The following TXNRD1 variants were observed in gnomAD, a reference collection of about 807,000 sequenced individuals.
The protein encoded by TXNRD1 is thioredoxin reductase 1.
Under a neutral mutation model 80.3 loss-of-function variants are expected in TXNRD1, and 57 were observed. The observed-to-expected ratio is 0.71, with a 90% CI of 0.57 to 0.89. TXNRD1 has a LOEUF of 0.89. TXNRD1 is among the 40% of genes least tolerant of loss of function. The pLI is 0.00. For missense variants in TXNRD1, 730 were observed against 803.0 expected, an observed-to-expected ratio of 0.91 and a Z score of 1.10; for synonymous variants, 291 against 285.2, an observed-to-expected ratio of 1.02 and a Z score of -0.20.
intron 3 of TXNRD1, among the ~76,000 whole-genome samples, chr12:104,261,220 A>G (rs2033362206): frequency 6.7e-6 from 1 of 150,232 alleles, no homozygotes; most frequent in South Asian, 2.1e-4. Context: ...TTGGAGTGCG[A>G]TGGCACGATC....
intron 16 of TXNRD1, among the ~76,000 whole-genome samples, chr12:104,341,322 A>T (rs1291587539): frequency 6.6e-6 from 1 of 152,124 alleles, no homozygotes; most frequent in Non-Finnish European, 1.5e-5. Context: ...TTAAGAAGAT[A>T]AAAAAAATTG....
At chr12:104,218,782 A>C (rs1261249077) in intron 1 of TXNRD1, among the ~76,000 whole-genome samples, 2 of 151,270 alleles carry the variant, frequency 1.3e-5, no homozygotes, top group Non-Finnish European at 2.9e-5. Context: ...TAATTTTTTT[A>C]CATTTTGTAG....
intron 13 of TXNRD1, 46 bp downstream of exon 13, chr12:104,327,717 C>G (rs368459685): frequency 5.1e-6 from 8 of 1,568,750 alleles, no homozygotes; most frequent in Non-Finnish European, 6.1e-6. Context: ...GTCAGTAATA[C>G]TCCCAGTTCC....
intron 3 of TXNRD1, among the ~76,000 whole-genome samples, chr12:104,267,710 TTTC>T (rs2033556430): frequency 4.5e-5 from 2 of 44,570 alleles, no homozygotes; most frequent in African/African-American, 1.4e-4. Context: ...TCTCTCTTTC[TTTC>T]TTTCTTTCTC....
chr12:104,301,376 C>T (rs1369668586), intron 4 of TXNRD1, among the ~76,000 whole-genome samples: 2 of 151,748 alleles, frequency 1.3e-5, no homozygotes, highest in African/African-American at 2.4e-5. Flanking sequence ...CTCGCTCTGT[C>T]GCCCAGGCTG....
At chr12:104,306,603 T>C (rs59922632) in intron 4 of TXNRD1, among the ~76,000 whole-genome samples, 1,830 of 152,306 alleles carry the variant, frequency 0.012, 43 homozygotes, top group African/African-American at 0.042. Context: ...GGATTTTTCA[T>C]GTATGGAGAT....
At chr12:104,283,145 A>G (rs2033911344) in intron 3 of TXNRD1, among the ~76,000 whole-genome samples, 1 of 152,224 alleles carries the variant, frequency 6.6e-6, no homozygotes. Flanking sequence ...AAAAGATGAG[A>G]ATCCATACAC....
chr12:104,287,119 G>A, intron 3 of TXNRD1: 2 of 1,487,922 alleles, frequency 1.3e-6, no homozygotes. Flanking sequence ...TGTAAGCTCT[G>A]CGTCGGGTGA....
chr12:104,293,902 C>T (rs966241109), intron 4 of TXNRD1, among the ~76,000 whole-genome samples: 20 of 152,288 alleles, frequency 1.3e-4, no homozygotes, highest in African/African-American at 4.6e-4. Flanking sequence ...TAGGTAAGGT[C>T]ACGTGGGTCA....
At chr12:104,347,840 CA>C (rs2036542330) in intron 16 of TXNRD1, among the ~76,000 whole-genome samples, 1 of 151,832 alleles carries the variant, frequency 6.6e-6, no homozygotes, top group African/African-American at 2.4e-5. Context: ...ATATGGGATA[CA>C]AAAAAGCAGG....
At chr12:104,307,836 A>G (rs1405411646) in intron 4 of TXNRD1, among the ~76,000 whole-genome samples, 1 of 152,182 alleles carries the variant, frequency 6.6e-6, no homozygotes, top group African/African-American at 2.4e-5. Context: ...GGTGGATGAA[A>G]AGGAAGGCTA....
intron 1 of TXNRD1, among the ~76,000 whole-genome samples, chr12:104,225,135 G>A (rs2032443936): frequency 6.6e-6 from 1 of 152,172 alleles, no homozygotes; most frequent in Non-Finnish European, 1.5e-5. Flanking sequence ...ATGCCCATAT[G>A]GAGTTGTTTT....
chr12:104,236,750 T>G (rs1327871687), intron 1 of TXNRD1, among the ~76,000 whole-genome samples: 2 of 139,760 alleles, frequency 1.4e-5, no homozygotes, highest in Non-Finnish European at 3.0e-5. Flanking sequence ...ATTGCACCAC[T>G]GCATGCCAGC....
At chr12:104,234,649 A>AAC (rs1275094629) in intron 1 of TXNRD1, among the ~76,000 whole-genome samples, 3 of 151,342 alleles carry the variant, frequency 2.0e-5, no homozygotes, top group Non-Finnish European at 4.4e-5. Flanking sequence ...AAAAAAAAAA[A>AAC]AAAAAAAGAA....
chr12:104,270,219 T>G (rs1462588440), intron 3 of TXNRD1, among the ~76,000 whole-genome samples: 1 of 152,246 alleles, frequency 6.6e-6, no homozygotes, highest in East Asian at 1.9e-4. Context: ...CAGAAGGTTT[T>G]CAGCTTACTT....
chr12:104,218,753 G>A (rs1047258327), intron 1 of TXNRD1, among the ~76,000 whole-genome samples: 1 of 151,642 alleles, frequency 6.6e-6, no homozygotes, highest in Admixed American at 6.6e-5. Context: ...GTGTGGTAAA[G>A]TGTGCCACCA....
intron 4 of TXNRD1, among the ~76,000 whole-genome samples, chr12:104,299,151 G>A (rs1448723512): frequency 6.6e-6 from 1 of 152,120 alleles, no homozygotes; most frequent in Non-Finnish European, 1.5e-5. Flanking sequence ...AGGCAGACCT[G>A]TATTTTTTAT....
At chr12:104,298,720 T>C (rs2034514047) in intron 4 of TXNRD1, among the ~76,000 whole-genome samples, 1 of 151,924 alleles carries the variant, frequency 6.6e-6, no homozygotes, top group Non-Finnish European at 1.5e-5. Flanking sequence ...CGAGACTCTA[T>C]CTAAAATAAA....
In TXNRD1 at chr12:104,254,644, A is replaced by AAT. The variant is rs1178469026; in HGVS notation, c.243+2987_243+2988dup. ...CTATGTCTATGGAAAAAAAAAAAAA[A>AAT]ATATATATATATATATATATATCAG... On this transcript the variant is annotated intron_variant, in intron 2 of 16. Transcript: ENST00000525566. Among the ~76,000 whole-genome samples the AAT allele has an allele frequency of 1.3e-3, 118 of 93,622 alleles. 2 individuals carry two copies. The highest frequency in any genetic ancestry group is 1.9e-3 in the Non-Finnish European group (98 of 52,180). The allele number at this position is 93,622 out of a possible 152,430, so 61.4% of individuals were successfully genotyped here.
Sources: allele counts gnomAD v4.1 joint callset (sites outside exome capture counted in the v4.1 genomes callset), GRCh38; gene constraint gnomAD v4.1.1; transcripts MANE v1.5; gene names NCBI Gene and HGNC (gene_info 2026-07-23, HGNC 2026-07-21).